TMEM91: variants seen among roughly 807,000 people sequenced by gnomAD.
TMEM91 encodes the protein transmembrane protein 91.
A neutral mutation model predicts 13.3 loss-of-function variants in TMEM91; 6 were observed. The ratio of observed to expected loss-of-function variants is 0.45; its 90% confidence interval spans 0.25 to 0.89. The LOEUF is 0.89. Ranked by LOEUF, TMEM91 falls within the 40% of genes least tolerant of loss-of-function variation. The pLI, the probability that TMEM91 is intolerant of heterozygous loss-of-function variation, is 0.19. For missense variants in TMEM91, 193 were observed against 228.7 expected (o/e 0.84, Z 1.01); for synonymous variants, 87 against 101.7 (o/e 0.86, Z 0.87).
upstream of TMEM91, among the ~76,000 whole-genome samples, chr19:41,375,317 T>C (rs9710214): frequency 0.62 from 76,679 of 124,644 alleles, 24,661 homozygotes; most frequent in African/African-American, 0.75. Flanking sequence ...GTCTTGCTGT[T>C]TCCCAGGCTG....
intron 1 of TMEM91, among the ~76,000 whole-genome samples, chr19:41,371,048 C>T (rs896666161): frequency 1.3e-5 from 2 of 151,736 alleles, no homozygotes; most frequent in Admixed American, 6.6e-5. Context: ...GTCACCCAGG[C>T]TGGAGTGTTC....
At chr19:41,364,566 A>G (rs1339257703) in intron 1 of TMEM91, among the ~76,000 whole-genome samples, 1 of 151,846 alleles carries the variant, frequency 6.6e-6, no homozygotes, top group Non-Finnish European at 1.5e-5. Flanking sequence ...ATCACTCCTC[A>G]TTCAGAGAGT....
At chr19:41,380,854 C>T (rs2038862529) in intron 2 of TMEM91, among the ~76,000 whole-genome samples, 2 of 144,714 alleles carry the variant, frequency 1.4e-5, no homozygotes, top group African/African-American at 5.2e-5. Flanking sequence ...GCGGAGGTTG[C>T]AGTGAGCCGA....
rs143072035 is a variant in TMEM91, at chr19:41,365,984, T to G, written c.-30+1889T>G. Among the ~76,000 whole-genome samples, 1,273 of 151,834 alleles carry G rather than the reference T, an allele frequency of 8.4e-3. 16 individuals are homozygous for G. The highest frequency in any genetic ancestry group is 0.029 in the African/African-American group (1,210 of 41,430). ...CCTCAGCCTCCCAAAGTGCTGGGAT[T>G]ACAGGCATGAGCCACCTCGCCTGGG... On this transcript the variant is annotated intron_variant, in intron 1 of 3. Coordinates refer to the TMEM91 transcript ENST00000413014.
chr19:41,374,019 G>C (rs1367149779), upstream of TMEM91: 1 of 152,202 alleles, frequency 6.6e-6, no homozygotes, highest in African/African-American at 2.4e-5. Context: ...TGAGAGCAAG[G>C]TTGAGATAGA....
chr19:41,365,031 A>T (rs1011984225), intron 1 of TMEM91, among the ~76,000 whole-genome samples: 1 of 147,524 alleles, frequency 6.8e-6, no homozygotes, highest in African/African-American at 2.5e-5. Flanking sequence ...ATGCACCACC[A>T]CGGCTGGCTA....
intron 1 of TMEM91, among the ~76,000 whole-genome samples, chr19:41,368,925 GACA>G (rs1461262634): frequency 6.6e-6 from 1 of 151,630 alleles, no homozygotes; most frequent in African/African-American, 2.4e-5. Context: ...GAGCAGCCTG[GACA>G]ACATGATGAA....
At chr19:41,373,436 G>A (rs1568490186), upstream of TMEM91, among the ~76,000 whole-genome samples, 1 of 151,064 alleles carries the variant, frequency 6.6e-6, no homozygotes, top group Non-Finnish European at 1.5e-5. Context: ...GGGAATTTAT[G>A]CCCCCATCCC....
intron 1 of TMEM91, among the ~76,000 whole-genome samples, chr19:41,370,509 C>T (rs889507721): frequency 3.3e-5 from 5 of 151,834 alleles, no homozygotes; most frequent in South Asian, 2.1e-4. Flanking sequence ...CGGGTTTAAC[C>T]GATTCTCCTG....
chr19:41,373,992 T>C (rs369052394), upstream of TMEM91: 1 of 152,096 alleles, frequency 6.6e-6, no homozygotes, highest in East Asian at 1.9e-4. Context: ...GTATGCTTCA[T>C]AGAAATATGA....
chr19:41,379,719 A>G (rs1281880688), intron 2 of TMEM91, among the ~76,000 whole-genome samples: 2 of 152,034 alleles, frequency 1.3e-5, no homozygotes, highest in Non-Finnish European at 2.9e-5. Context: ...GCAGGCAGGC[A>G]ACAATCATGA....
upstream of TMEM91, among the ~76,000 whole-genome samples, chr19:41,373,478 A>G (rs2123172410): frequency 6.6e-6 from 1 of 150,858 alleles, no homozygotes; most frequent in South Asian, 2.1e-4. Context: ...ACTTTGTGCC[A>G]GGCACTGTTT....
chr19:41,378,360 A>G lies in TMEM91; in HGVS notation c.51A>G (p.Thr17=). 6.2e-7 allele frequency: 1 copy of G among 1,614,232 alleles called. No individual in the cohort carries two copies. The highest frequency in any genetic ancestry group is 8.5e-7 in the Non-Finnish European group (1 of 1,180,034). Residue 17 remains threonine, a synonymous_variant, in exon 2 of 4, where the codon ACA becomes ACG. Coordinates refer to ENST00000392002, the MANE Select transcript of TMEM91 (RefSeq NM_001098821.2). ...RELQQPLLEG[T]ECETPAQKPG... is the part of the protein sequence containing the mutation. ...TTCAACAGCCTCTGCTGGAGGGCAC[A>G]GAATGTGAGACCCCTGCCCAGAAGC...
intron 2 of TMEM91, among the ~76,000 whole-genome samples, chr19:41,380,988 G>A (rs1440557213): frequency 1.4e-5 from 2 of 145,974 alleles, no homozygotes; most frequent in Non-Finnish European, 3.0e-5. Flanking sequence ...GGGAGGCTGA[G>A]GCAGGAGAAT....
chr19:41,366,463 C>T (rs2038529514), intron 1 of TMEM91, among the ~76,000 whole-genome samples: 1 of 152,090 alleles, frequency 6.6e-6, no homozygotes, highest in Admixed American at 6.6e-5. Context: ...TTTGCCAACC[C>T]CTCTAGTTTG....
At position 41,384,039 on chromosome 19, in the gene TMEM91, G is replaced by T; in HGVS notation, c.*166G>T. The T allele has an allele frequency of 7.8e-7, 1 of 1,273,924 alleles. No individual in the cohort carries two copies. 78.9% of individuals were successfully genotyped at this position (1,273,924 alleles called of 1,614,324 possible). A position where few individuals can be genotyped will look rare whatever the true frequency, so the allele number is the denominator to read the frequency against. On this transcript the variant is annotated 3_prime_UTR_variant, in exon 4 of 4. Transcript: ENST00000392002. ...CCCCTTCCTGGCCACCGCTCTTCGG[G>T]CGGCAGCAACCTGAGATTAAACACC...
rs1392958430 is a variant in TMEM91, at chr19:41,376,723, C to T, written c.-161C>T. Reference sequence around the variant, plus strand: ...CCCGCCCCGTCCCCGCCCCCGCGCGCAGCGGGCCCGGGGCGCTGAGACCCG... The same window carrying T: ...CCCGCCCCGTCCCCGCCCCCGCGCGTAGCGGGCCCGGGGCGCTGAGACCCG... On this transcript the variant is annotated 5_prime_UTR_variant, in exon 1 of 4. Coordinates refer to ENST00000392002, the MANE Select transcript of TMEM91 (RefSeq NM_001098821.2). 6.6e-6 allele frequency: 1 copy of T among 152,264 alleles called. No homozygotes were observed. The highest frequency in any genetic ancestry group is 2.4e-5 in the African/African-American group (1 of 41,466). The allele number at this position is 152,264 out of a possible 1,614,324, so 9.4% of individuals were successfully genotyped here. A position where few individuals can be genotyped will look rare whatever the true frequency, so the allele number is the denominator to read the frequency against.
intron 1 of TMEM91, among the ~76,000 whole-genome samples, chr19:41,369,032 C>T (rs914357661): frequency 1.3e-5 from 2 of 152,060 alleles, no homozygotes; most frequent in Non-Finnish European, 2.9e-5. Flanking sequence ...GGGAGGATCG[C>T]TTAGGTTGAG....
chr19:41,382,737 T>A, intron 2 of TMEM91, 35 bp from the exon 3 acceptor site: 1 of 1,600,936 alleles, frequency 6.2e-7, no homozygotes, highest in East Asian at 2.2e-5. Flanking sequence ...GAAAGGTGGA[T>A]GGAGATGCCC....
Sources: allele counts gnomAD v4.1 joint callset (sites outside exome capture counted in the v4.1 genomes callset), GRCh38; gene constraint gnomAD v4.1.1; transcripts MANE v1.5; gene names NCBI Gene and HGNC (gene_info 2026-07-23, HGNC 2026-07-21).